SKIC3: variants seen among roughly 807,000 people sequenced by gnomAD.
SKIC3 encodes the protein SKI3 subunit of superkiller complex.
the SKIC3 span, chr5:95,543,223 T>C: frequency 7.4e-6 from 12 of 1,614,078 alleles, no homozygotes; most frequent in Middle Eastern, 4.9e-4. Context: ...ATTCAGCAGC[T>C]TTTTTATAGG....
the SKIC3 span, chr5:95,543,080 G>T: frequency 2.2e-6 from 3 of 1,359,890 alleles, no homozygotes; most frequent in Non-Finnish European, 3.0e-6. Flanking sequence ...CTTACATGGG[G>T]CAAATGTAGG....
the SKIC3 span, among the ~76,000 whole-genome samples, chr5:95,485,187 T>C: frequency 6.6e-6 from 1 of 152,224 alleles, no homozygotes; most frequent in African/African-American, 2.4e-5. Flanking sequence ...ATATTTGACA[T>C]GTATATCAGT....
the SKIC3 span, chr5:95,507,034 A>T: frequency 6.3e-7 from 1 of 1,597,050 alleles, no homozygotes; most frequent in Admixed American, 1.7e-5. Flanking sequence ...AAGGTATTTT[A>T]ATTTATCTCT....
At chr5:95,476,267 T>C in the SKIC3 span, among the ~76,000 whole-genome samples, 4 of 152,146 alleles carry the variant, frequency 2.6e-5, no homozygotes, top group African/African-American at 9.7e-5. Context: ...GGCACTGGAA[T>C]GTCCCATGGC....
the SKIC3 span, among the ~76,000 whole-genome samples, chr5:95,481,067 G>C: frequency 6.6e-6 from 1 of 152,058 alleles, no homozygotes; most frequent in Non-Finnish European, 1.5e-5. Context: ...CATATATAGA[G>C]TAGTACTTTT....
chr5:95,473,032 C>T, the SKIC3 span, among the ~76,000 whole-genome samples: 2 of 151,978 alleles, frequency 1.3e-5, no homozygotes, highest in African/African-American at 4.8e-5. Flanking sequence ...AGGTTGATTC[C>T]ATGTCTCTGC....
the SKIC3 span, among the ~76,000 whole-genome samples, chr5:95,545,256 G>A: frequency 1.3e-5 from 2 of 152,024 alleles, no homozygotes; most frequent in African/African-American, 2.4e-5. Flanking sequence ...GTCCCCACTT[G>A]GAACACACTG....
chr5:95,546,339 G>GAAAA, the SKIC3 span, among the ~76,000 whole-genome samples: 2 of 57,516 alleles, frequency 3.5e-5, no homozygotes, highest in African/African-American at 6.8e-5. Context: ...CCCACCATGA[G>GAAAA]AAAAAAAAAA....
the SKIC3 span, among the ~76,000 whole-genome samples, chr5:95,542,324 G>A: frequency 6.6e-6 from 1 of 151,862 alleles, no homozygotes; most frequent in Non-Finnish European, 1.5e-5. Flanking sequence ...TGTTTTTAAG[G>A]TGTACAACTT....
At chr5:95,516,848 T>C in the SKIC3 span, 2 of 1,563,610 alleles carry the variant, frequency 1.3e-6, no homozygotes, top group East Asian at 2.4e-5. Flanking sequence ...ATTTACTTCA[T>C]CCAAAACAAC....
the SKIC3 span, among the ~76,000 whole-genome samples, chr5:95,475,748 AAC>A: frequency 1.3e-5 from 2 of 152,188 alleles, no homozygotes; most frequent in Admixed American, 1.3e-4. Flanking sequence ...TGTGAAGGTG[AAC>A]TCTTGCACTT....
the SKIC3 span, among the ~76,000 whole-genome samples, chr5:95,518,117 T>C: frequency 2.0e-5 from 3 of 152,096 alleles, no homozygotes; most frequent in African/African-American, 7.2e-5. Context: ...AAAAAATTGA[T>C]GAAGACACCT....
chr5:95,536,961 G>A, the SKIC3 span: 3 of 1,592,652 alleles, frequency 1.9e-6, no homozygotes, highest in Non-Finnish European at 2.6e-6. Flanking sequence ...CTACATTCTA[G>A]TAGTAGTAAA....
the SKIC3 span, among the ~76,000 whole-genome samples, chr5:95,511,627 A>G: frequency 6.6e-6 from 1 of 152,048 alleles, no homozygotes; most frequent in Non-Finnish European, 1.5e-5. Flanking sequence ...CTGATTCTTT[A>G]TATTATTTGA....
At chr5:95,529,278 T>A in the SKIC3 span, 1 of 680,220 alleles carries the variant, frequency 1.5e-6, no homozygotes, top group Admixed American at 2.1e-5. Context: ...TTTTTCTCCA[T>A]CTCCACGTCA....
chr5:95,519,711 T>C, the SKIC3 span, among the ~76,000 whole-genome samples: 1 of 152,066 alleles, frequency 6.6e-6, no homozygotes, highest in South Asian at 2.1e-4. Context: ...GAAGTAAATA[T>C]ACATTTGGAG....
At chr5:95,545,325 C>A in the SKIC3 span, among the ~76,000 whole-genome samples, 4 of 152,210 alleles carry the variant, frequency 2.6e-5, no homozygotes, top group Admixed American at 2.6e-4. Context: ...TGCTGGGCTC[C>A]ATCAGTCACC....
At chr5:95,531,495 T>G in the SKIC3 span, among the ~76,000 whole-genome samples, 1 of 152,194 alleles carries the variant, frequency 6.6e-6, no homozygotes, top group Non-Finnish European at 1.5e-5. Flanking sequence ...AAAATAGATA[T>G]GTCTAGTTCC....
the SKIC3 span, chr5:95,495,208 A>C: frequency 6.0e-4 from 354 of 585,264 alleles, 1 homozygote; most frequent in African/African-American, 6.0e-3. Context: ...TGTGAAAGGA[A>C]ATCTTTTCTA....
Sources: allele counts gnomAD v4.1 joint callset (sites outside exome capture counted in the v4.1 genomes callset), GRCh38; gene constraint gnomAD v4.1.1; transcripts MANE v1.5; gene names NCBI Gene and HGNC (gene_info 2026-07-23, HGNC 2026-07-21).